The following STK32C variants were observed in gnomAD, a reference collection of about 807,000 sequenced individuals.
STK32C encodes serine/threonine-protein kinase 32C.
Under a neutral mutation model 56.5 loss-of-function variants are expected in STK32C, and 31 were observed. That is an observed-to-expected ratio of 0.55 (90% CI 0.41 to 0.74). STK32C has a LOEUF of 0.74. Among genes scored for constraint, STK32C ranks in the 30% least tolerant of loss-of-function variants. STK32C has a pLI of 0.00. For synonymous variants in STK32C, 309 were observed against 289.4 expected (o/e 1.07, Z -0.69); for missense variants, 544 against 676.9 (o/e 0.80, Z 2.18).
intron 1 of STK32C, among the ~76,000 whole-genome samples, chr10:132,258,669 C>T (rs1262550022): frequency 1.3e-5 from 2 of 152,234 alleles, no homozygotes; most frequent in Non-Finnish European, 2.9e-5. Flanking sequence ...CCCTGGGTAC[C>T]GACTGCTGTC....
Position 132,268,070 on chromosome 10 carries a change from CGTGT to C in STK32C, c.263-22119_263-22116del, listed in dbSNP as rs372495069. Among the ~76,000 whole-genome samples, 210 of 127,910 alleles carry C rather than the reference CGTGT, an allele frequency of 1.6e-3. 6 individuals are homozygous for C. The South Asian group carries it at 0.037, about 22-fold the overall frequency. 83.9% of individuals were successfully genotyped at this position (127,910 alleles called of 152,430 possible). A position where few individuals can be genotyped will look rare whatever the true frequency, so the allele number is the denominator to read the frequency against. ...GTCTGTGTGCCCACATGTCCCACGT[CGTGT>C]GTGTGTGTGTCGGTGTGTGTGCATG... On this transcript the variant is annotated intron_variant, in intron 1 of 11. Coordinates refer to ENST00000298630, the MANE Select transcript of STK32C (RefSeq NM_173575.4).
downstream of STK32C, among the ~76,000 whole-genome samples, chr10:132,322,444 T>C (rs2066428451): frequency 6.6e-6 from 1 of 152,210 alleles, no homozygotes; most frequent in Non-Finnish European, 1.5e-5. Context: ...AATTTACCAA[T>C]ATTTATTTTT....
intron 2 of STK32C, among the ~76,000 whole-genome samples, chr10:132,234,395 T>C (rs2063203945): frequency 6.6e-6 from 1 of 152,218 alleles, no homozygotes; most frequent in African/African-American, 2.4e-5. Context: ...CGGTCCCCTC[T>C]GAAACAGCGG....
At chr10:132,221,625 CCCCCACACACAA>C (rs2062657805) in intron 10 of STK32C, among the ~76,000 whole-genome samples, 1 of 143,744 alleles carries the variant, frequency 7.0e-6, no homozygotes, top group Admixed American at 7.1e-5. Context: ...GATGGCCGTC[CCCCCACACACAA>C]CTGATGTCGA....
chr10:132,231,375 G>C (rs1565086749), intron 2 of STK32C, among the ~76,000 whole-genome samples: 1 of 152,242 alleles, frequency 6.6e-6, no homozygotes, highest in African/African-American at 2.4e-5. Flanking sequence ...AGCAAGGGGA[G>C]GCAGGGTTAC....
intron 10 of STK32C, among the ~76,000 whole-genome samples, chr10:132,214,580 C>T (rs1348139010): frequency 6.6e-6 from 1 of 152,132 alleles, no homozygotes; most frequent in Non-Finnish European, 1.5e-5. Context: ...AAAGGAAGCA[C>T]TTTAGAGGAG....
At chr10:132,261,493 G>A (rs770086134) in intron 1 of STK32C, among the ~76,000 whole-genome samples, 4 of 152,172 alleles carry the variant, frequency 2.6e-5, no homozygotes, top group Admixed American at 6.5e-5. Flanking sequence ...GGCCGGGCAC[G>A]GTGGCTCACA....
intron 1 of STK32C, among the ~76,000 whole-genome samples, chr10:132,248,643 C>G (rs1332262200): frequency 2.0e-5 from 3 of 152,252 alleles, no homozygotes; most frequent in Non-Finnish European, 2.9e-5. Context: ...GGGTGGTGGT[C>G]CACGCCCACG....
intron 2 of STK32C, among the ~76,000 whole-genome samples, chr10:132,228,920 C>A (rs1298916814): frequency 6.6e-6 from 1 of 152,230 alleles, no homozygotes; most frequent in South Asian, 2.1e-4. Flanking sequence ...CCCTCCGGGG[C>A]GCCAGTCCCC....
At chr10:132,303,459 T>A (rs2065970141) in intron 1 of STK32C, among the ~76,000 whole-genome samples, 1 of 151,686 alleles carries the variant, frequency 6.6e-6, no homozygotes, top group South Asian at 2.1e-4. Context: ...ATTAAACACA[T>A]CCATAGAGAA....
intron 1 of STK32C, among the ~76,000 whole-genome samples, chr10:132,278,732 C>A (rs1590367701): frequency 1.3e-5 from 2 of 148,226 alleles, no homozygotes; most frequent in East Asian, 3.9e-4. Flanking sequence ...TGCACTCCAG[C>A]CTGGGCGACA....
At chr10:132,269,104 C>CGT (rs370636909) in intron 1 of STK32C, among the ~76,000 whole-genome samples, 5 of 148,604 alleles carry the variant, frequency 3.4e-5, no homozygotes, top group South Asian at 4.3e-4. Flanking sequence ...TGCGTCACAT[C>CGT]GTGTGTGTGT....
chr10:132,308,173 C>T (rs549749790), upstream of STK32C, among the ~76,000 whole-genome samples: 6 of 152,014 alleles, frequency 3.9e-5, no homozygotes, highest in South Asian at 1.0e-3. Context: ...GAGTGGGTGG[C>T]CGCCACCAGT....
intron 10 of STK32C, among the ~76,000 whole-genome samples, chr10:132,210,864 C>T (rs1000625786): frequency 6.6e-5 from 10 of 152,292 alleles, no homozygotes; most frequent in South Asian, 4.1e-4. Context: ...ACCCTGGCAG[C>T]GGGAATGTGG....
At chr10:132,330,699 T>G (rs1007538736) in intron 1 of STK32C, among the ~76,000 whole-genome samples, 1 of 148,170 alleles carries the variant, frequency 6.7e-6, no homozygotes, top group African/African-American at 2.5e-5. Context: ...TTTTTAATTT[T>G]TGTAGAGACT....
At chr10:132,326,734 C>T (rs908526426) in intron 1 of STK32C, among the ~76,000 whole-genome samples, 7 of 151,942 alleles carry the variant, frequency 4.6e-5, no homozygotes, top group Non-Finnish European at 7.4e-5. Context: ...AACTAGGAAG[C>T]GCGCCCAGTC....
chr10:132,234,829 A>G lies in STK32C; in HGVS notation c.319-6701T>C, dbSNP rs910859053. Among the ~76,000 whole-genome samples the G allele has an allele frequency of 4.5e-4, 69 of 152,222 alleles. 4 individuals carry two copies. Among genetic ancestry groups the G allele is most frequent in the Non-Finnish European group, 1.8e-4 (12 of 68,036 alleles). On this transcript the variant is annotated intron_variant, in intron 2 of 11. Coordinates refer to ENST00000298630, the MANE Select transcript of STK32C (RefSeq NM_173575.4). ...TTGTTCAAAGCCTTGCACATGGGCT[A>G]ATTTGTTACAGCAGCCATTGGACAC...
downstream of STK32C, among the ~76,000 whole-genome samples, chr10:132,322,414 G>A (rs1212375996): frequency 6.6e-6 from 1 of 152,066 alleles, no homozygotes; most frequent in East Asian, 1.9e-4. Context: ...CTGATGAACA[G>A]GATTATTTCT....
At chr10:132,302,078 G>T (rs1397466554) in intron 1 of STK32C, among the ~76,000 whole-genome samples, 1 of 152,162 alleles carries the variant, frequency 6.6e-6, no homozygotes, top group Non-Finnish European at 1.5e-5. Flanking sequence ...GTGACTGGGG[G>T]TCCGGGACAG....
Sources: gnomAD v4.1 joint callset for allele counts (sites outside exome capture counted in the v4.1 genomes callset) on GRCh38, gnomAD v4.1.1 for gene constraint, MANE v1.5 for transcripts, NCBI Gene and HGNC (gene_info 2026-07-23, HGNC 2026-07-21) for gene names.